Variants in SPECC1L observed in about 807,000 individuals in gnomAD.
The protein encoded by SPECC1L is cytospin-A.
Under a neutral mutation model 116.8 loss-of-function variants are expected in SPECC1L, and 40 were observed. The ratio of observed to expected loss-of-function variants is 0.34; its 90% CI spans 0.27 to 0.45. The LOEUF is 0.45. Among genes scored for constraint, SPECC1L ranks in the 20% least tolerant of loss-of-function variants. The pLI is 1.00. For synonymous variants in SPECC1L, 504 were observed against 500.6 expected (o/e 1.01, Z -0.09); for missense variants, 1,110 against 1,373.6 (o/e 0.81, Z 3.03).
At chr22:24,302,918 G>A (rs749269279) in intron 3 of SPECC1L, among the ~76,000 whole-genome samples, 9 of 151,980 alleles carry the variant, frequency 5.9e-5, no homozygotes, top group Non-Finnish European at 5.9e-5. Flanking sequence ...TGTTCTTCTG[G>A]CAGCTGGTCC....
At chr22:24,382,514 C>G (rs2042080476) in intron 14 of SPECC1L, among the ~76,000 whole-genome samples, 1 of 151,964 alleles carries the variant, frequency 6.6e-6, no homozygotes, top group Non-Finnish European at 1.5e-5. Flanking sequence ...ACCATCCTGG[C>G]TAACATGGTG....
chr22:24,352,747 T>C (rs1007684669), intron 11 of SPECC1L, among the ~76,000 whole-genome samples: 1 of 152,218 alleles, frequency 6.6e-6, no homozygotes, highest in African/African-American at 2.4e-5. Flanking sequence ...TACAGTCTAA[T>C]TGGATATTTA....
chr22:24,328,958 G>T (rs771503258), intron 7 of SPECC1L, 39 bp downstream of exon 7: 3 of 1,510,188 alleles, frequency 2.0e-6, no homozygotes, highest in East Asian at 2.3e-5. Flanking sequence ...TTAGAAAACG[G>T]TTTTCTGAAA....
intron 1 of SPECC1L, among the ~76,000 whole-genome samples, chr22:24,271,366 G>C (rs1252691175): frequency 2.0e-5 from 3 of 152,236 alleles, no homozygotes; most frequent in Non-Finnish European, 2.9e-5. Context: ...CCCATCGCCC[G>C]GGTCCCTTGC....
rs763869909 is a variant in SPECC1L at position 24,330,427 on chromosome 22, C to T, written c.2392C>T (p.Arg798Cys). ...AAAAGAATTGGAGGAAATAAAGTCACGCAAGTAAGTTCTGAGAAACCTGTT... is the reference window on the plus strand; with the variant it reads ...AAAAGAATTGGAGGAAATAAAGTCATGCAAGTAAGTTCTGAGAAACCTGTT... ...LTKELEEIKS[R>C]KQEEERGRVY... The change falls in exon 8 of 17, where the codon CGC becomes TGC. Residue 798 changes from arginine (R) to cysteine (C), a missense_variant. Arg to Cys is a radical substitution (Grantham distance 180, BLOSUM62 -3). Transcript: ENST00000314328. The T allele has an allele frequency of 1.4e-5, 23 of 1,613,946 alleles. No individual in the cohort carries two copies. Among genetic ancestry groups the T allele is most frequent in the Admixed American group, 5.0e-5 (3 of 59,994 alleles).
At chr22:24,294,871 AT>A (rs1010074893) in intron 2 of SPECC1L, among the ~76,000 whole-genome samples, 2 of 139,910 alleles carry the variant, frequency 1.4e-5, no homozygotes, top group Admixed American at 7.0e-5. Context: ...CTACAAGAAT[AT>A]TTTTTTGTCG....
At chr22:24,321,238 C>T in intron 4 of SPECC1L, 50 bp from the exon 5 acceptor site, 1 of 1,604,494 alleles carries the variant, frequency 6.2e-7, no homozygotes, top group Non-Finnish European at 8.5e-7. Flanking sequence ...TTCTATGTAG[C>T]CTTTTATTGC....
intron 9 of SPECC1L, among the ~76,000 whole-genome samples, 186 bp downstream of exon 9, chr22:24,334,759 G>C (rs1427553050): frequency 6.6e-6 from 1 of 152,228 alleles, no homozygotes; most frequent in Non-Finnish European, 1.5e-5. Context: ...TTCAGCTTCA[G>C]AGGTGTTAGT....
chr22:24,331,546 A>G (rs551008329), intron 8 of SPECC1L, among the ~76,000 whole-genome samples: 2 of 152,352 alleles, frequency 1.3e-5, no homozygotes, highest in African/African-American at 4.8e-5. Flanking sequence ...TCAAAAATTC[A>G]TAAGACTTTG....
At chr22:24,338,900 C>T (rs1177982012) in intron 10 of SPECC1L, among the ~76,000 whole-genome samples, 1 of 152,196 alleles carries the variant, frequency 6.6e-6, no homozygotes, top group African/African-American at 2.4e-5. Flanking sequence ...GTTAGGCTGT[C>T]TGGATTCAGT....
At chr22:24,408,441 G>T (rs757739010) in intron 14 of SPECC1L, among the ~76,000 whole-genome samples, 31 of 152,266 alleles carry the variant, frequency 2.0e-4, no homozygotes, top group Non-Finnish European at 4.1e-4. Context: ...GCCAGAAAGT[G>T]TGAGGACTAC....
chr22:24,402,659 C>T (rs563913242), intron 14 of SPECC1L, among the ~76,000 whole-genome samples: 17 of 152,296 alleles, frequency 1.1e-4, no homozygotes, highest in South Asian at 2.1e-4. Flanking sequence ...CTGGGGACAG[C>T]GCTCTGCACG....
chr22:24,338,436 C>G lies in SPECC1L; in HGVS notation c.2611C>G (p.Pro871Ala). 1.2e-6 allele frequency: 2 copies of G among 1,614,102 alleles called. No individual in the cohort carries two copies. Among genetic ancestry groups the G allele is most frequent in the Non-Finnish European group, 1.7e-6 (2 of 1,180,008 alleles). Reference protein sequence around the residue: ...AIPRTPLSPSPMKTPPAAAVS... With the variant: ...AIPRTPLSPSAMKTPPAAAVS... ...TCCTCGAACGCCCCTGAGCCCAAGT[C>G]CTATGAAAACCCCTCCTGCAGCAGC... The change falls in exon 10 of 17, where the codon CCT becomes GCT. Residue 871 changes from proline (P) to alanine (A), a missense_variant. Physicochemically the swap from Pro to Ala is conservative, Grantham distance 27 (BLOSUM62 -1). This residue lies in a region of SPECC1L where 575 missense variants were observed against 682.4 expected (regional missense o/e 0.84). Transcript: ENST00000314328.
Position 24,412,715 on chromosome 22 carries a change from C to T in SPECC1L, c.3264+8C>T. The T allele has an allele frequency of 6.2e-7, 1 of 1,614,010 alleles. No individual in the cohort carries two copies. The highest frequency in any genetic ancestry group is 8.5e-7 in the Non-Finnish European group (1 of 1,179,998). ...GGCATCAAATCCACACTGGTGAGCC[C>T]TTGTCCCCCTGAGTCACTGGCAGGG... On this transcript the variant is annotated splice_region_variant and intron_variant, in intron 16 of 16. Coordinates refer to ENST00000314328, the MANE Select transcript of SPECC1L (RefSeq NM_015330.6).
At chr22:24,386,456 T>A (rs2042162295) in intron 14 of SPECC1L, among the ~76,000 whole-genome samples, 1 of 151,890 alleles carries the variant, frequency 6.6e-6, no homozygotes. Context: ...GAAAGAGAGA[T>A]AAGAGGTATA....
intron 14 of SPECC1L, among the ~76,000 whole-genome samples, chr22:24,370,391 A>G (rs1305383283): frequency 1.3e-5 from 2 of 152,252 alleles, no homozygotes; most frequent in African/African-American, 4.8e-5. Context: ...AAGAATCTCC[A>G]TGCCAGCTTC....
At chr22:24,365,672 TTCCTGGCCTTTTGAC>T (rs1302242309) in intron 13 of SPECC1L, 40 bp downstream of exon 13, 3 of 1,608,248 alleles carry the variant, frequency 1.9e-6, no homozygotes, top group Admixed American at 3.3e-5. Flanking sequence ...GTGTGTACCT[TTCCTGGCCTTTTGAC>T]AGTAAATGAT....
chr22:24,296,338 T>G (rs1279967788), intron 2 of SPECC1L, among the ~76,000 whole-genome samples: 2 of 152,214 alleles, frequency 1.3e-5, no homozygotes, highest in Non-Finnish European at 2.9e-5. Context: ...TCAGTGCCTT[T>G]CCCTGTTATT....
chr22:24,295,694 G>T (rs2146382007), intron 2 of SPECC1L, among the ~76,000 whole-genome samples: 1 of 152,276 alleles, frequency 6.6e-6, no homozygotes, highest in African/African-American at 2.4e-5. Flanking sequence ...GCTCACACTT[G>T]TAATCTCAGC....
Sources: allele counts gnomAD v4.1 joint callset (sites outside exome capture counted in the v4.1 genomes callset), GRCh38; gene constraint gnomAD v4.1.1; regional missense constraint gnomAD v4.1.1; transcripts MANE v1.5; gene names NCBI Gene and HGNC (gene_info 2026-07-23, HGNC 2026-07-21).